ATP2A2: variants seen among roughly 807,000 people sequenced by gnomAD.
ATP2A2 encodes the protein ATPase sarcoplasmic/endoplasmic reticulum Ca2+ transporting 2, also known as sarcoplasmic/endoplasmic reticulum calcium ATPase 2.
A neutral mutation model predicts 109.3 loss-of-function variants in ATP2A2; 14 were observed. The observed-to-expected ratio is 0.13, with a 90% CI of 0.08 to 0.20. The LOEUF is 0.20. ATP2A2 is among the 10% of genes least tolerant of loss of function. The pLI is 1.00. For missense variants in ATP2A2, 657 were observed against 1,321.6 expected (o/e 0.50, Z 7.80); for synonymous variants, 506 against 490.9 (o/e 1.03, Z -0.41).
At chr12:110,297,681 T>C (rs2137723599) in intron 5 of ATP2A2, among the ~76,000 whole-genome samples, 1 of 151,818 alleles carries the variant, frequency 6.6e-6, no homozygotes, top group Admixed American at 6.6e-5. Context: ...TGCAGTGGCA[T>C]GATCTCAGCT....
chr12:110,325,056 G>T (rs1345103681), intron 6 of ATP2A2, among the ~76,000 whole-genome samples: 1 of 151,378 alleles, frequency 6.6e-6, no homozygotes, highest in East Asian at 1.9e-4. Context: ...TGAAGTGATC[G>T]CCCGCCTCAA....
Position 110,327,210 on chromosome 12 carries a change from G to A in ATP2A2, c.631-343G>A, listed in dbSNP as rs185442263. Among the ~76,000 whole-genome samples, 1 of 152,140 alleles carries A rather than the reference G, an allele frequency of 6.6e-6. No homozygotes were observed. Among genetic ancestry groups the A allele is most frequent in the African/African-American group, 2.4e-5 (1 of 41,430 alleles). On this transcript the variant is annotated intron_variant, in intron 7 of 19. Transcript: ENST00000539276. The surrounding 1 kb of genome is among the most constrained non-coding windows in gnomAD (Gnocchi z 4.4). ...TTCTATTACAGTGAGAAAAGTAGGG[G>A]CCTTGAGTTGTTGGAGCCAGAAGTG...
rs1051847092 is a variant in ATP2A2 at position 110,349,152 on chromosome 12, T to C, written c.*2682T>C. Reference sequence around the variant, plus strand: ...CACTGCTGTTTTGAGCAGGGCCACTTGCTCCATTTCACTGAAGGCTTTGCT... The same window carrying C: ...CACTGCTGTTTTGAGCAGGGCCACTCGCTCCATTTCACTGAAGGCTTTGCT... On this transcript the variant is annotated 3_prime_UTR_variant, in exon 20 of 20. Transcript: ENST00000539276. 36 of 985,398 alleles carry C rather than the reference T, an allele frequency of 3.7e-5. No homozygotes were observed. In the African/African-American group the frequency reaches 5.1e-4, roughly 14 times the overall value. The allele number at this position is 985,398 out of a possible 1,614,324, so 61.0% of individuals were successfully genotyped here.
At chr12:110,285,938 A>G (rs767293572) in intron 3 of ATP2A2, among the ~76,000 whole-genome samples, 92 of 140,814 alleles carry the variant, frequency 6.5e-4, no homozygotes, top group Non-Finnish European at 9.6e-4. Flanking sequence ...TTTTTTTTAA[A>G]TGTAGATGGA....
Position 110,348,921 on chromosome 12 carries a change from A to G in ATP2A2, c.*2451A>G, listed in dbSNP as rs1247494921. 3 of 985,464 alleles carry G rather than the reference A, an allele frequency of 3.0e-6. No individual in the cohort carries two copies. Among genetic ancestry groups the G allele is most frequent in the South Asian group, 4.7e-5 (1 of 21,286 alleles). 61.0% of individuals were successfully genotyped at this position (985,464 alleles called of 1,614,324 possible). A position where few individuals can be genotyped will look rare whatever the true frequency, so the allele number is the denominator to read the frequency against. On this transcript the variant is annotated 3_prime_UTR_variant, in exon 20 of 20. Coordinates refer to ENST00000539276, the MANE Select transcript of ATP2A2 (RefSeq NM_170665.4). ...CTGACTTGAGTGCTGCACTATTGCT[A>G]TTCCGTGCAAACAAAACTCAGCTTT...
At chr12:110,289,519 T>A (rs1873037100) in intron 3 of ATP2A2, among the ~76,000 whole-genome samples, 1 of 152,224 alleles carries the variant, frequency 6.6e-6, no homozygotes, top group South Asian at 2.1e-4. Context: ...TTGGTGGTGA[T>A]TGGCATCTGT....
In ATP2A2 at chr12:110,349,776, C is replaced by T; in HGVS notation, c.*3306C>T. 2.0e-6 allele frequency: 2 copies of T among 1,018,150 alleles called. No homozygotes were observed. Among genetic ancestry groups the T allele is most frequent in the Non-Finnish European group, 2.4e-6 (2 of 848,618 alleles). 63.1% of individuals were successfully genotyped at this position (1,018,150 alleles called of 1,614,324 possible). A position where few individuals can be genotyped will look rare whatever the true frequency, so the allele number is the denominator to read the frequency against. On this transcript the variant is annotated 3_prime_UTR_variant, in exon 20 of 20. Transcript: ENST00000539276. ...TGTAACCACCAAATTGTCCAAACAC[C>T]CGCTGCAGTTAGCAAGAAGGGTAGG... is the stretch of plus-strand genomic sequence containing the variant.
intron 5 of ATP2A2, among the ~76,000 whole-genome samples, chr12:110,300,031 C>T (rs61942560): frequency 0.18 from 26,851 of 151,530 alleles, 2,856 homozygotes; most frequent in Admixed American, 0.28. Context: ...GCTGGGATTA[C>T]AGGAGTGAGC....
intron 11 of ATP2A2, among the ~76,000 whole-genome samples, chr12:110,336,030 G>A (rs572606068): frequency 4.9e-4 from 74 of 152,350 alleles, no homozygotes; most frequent in Middle Eastern, 3.4e-3. Context: ...AGGTCCACCA[G>A]ACCATTTGCC....
intron 5 of ATP2A2, among the ~76,000 whole-genome samples, chr12:110,317,361 A>G (rs2137786916): frequency 6.6e-6 from 1 of 152,310 alleles, no homozygotes; most frequent in East Asian, 1.9e-4. Flanking sequence ...AATGCATAAT[A>G]CAATTGATTA....
At chr12:110,312,777 G>A (rs1464439284) in intron 5 of ATP2A2, among the ~76,000 whole-genome samples, 1 of 150,406 alleles carries the variant, frequency 6.6e-6, no homozygotes, top group African/African-American at 2.4e-5. Context: ...CTAAACCCAG[G>A]AGATGGAAGC....
Position 110,347,538 on chromosome 12 carries a change from C to G in ATP2A2, c.*1068C>G. 21 of 1,288,340 alleles carry G rather than the reference C, an allele frequency of 1.6e-5. No individual in the cohort carries two copies. The South Asian group carries it at 2.3e-4, about 14-fold the overall frequency. 79.8% of individuals were successfully genotyped at this position (1,288,340 alleles called of 1,614,324 possible). A position where few individuals can be genotyped will look rare whatever the true frequency, so the allele number is the denominator to read the frequency against. ...ACATTTTATGCAAGTTTCTGCTGGCCTGGTATAGAGAACATAAGGGCAAGT... is the reference window on the plus strand; with the variant it reads ...ACATTTTATGCAAGTTTCTGCTGGCGTGGTATAGAGAACATAAGGGCAAGT... On this transcript the variant is annotated 3_prime_UTR_variant, in exon 20 of 20. Coordinates refer to ENST00000539276, the MANE Select transcript of ATP2A2 (RefSeq NM_170665.4).
intron 5 of ATP2A2, among the ~76,000 whole-genome samples, chr12:110,314,160 C>T (rs1400288358): frequency 6.6e-6 from 1 of 151,772 alleles, no homozygotes; most frequent in Non-Finnish European, 1.5e-5. Flanking sequence ...GAAACGCTGT[C>T]TCTACTAAAA....
At chr12:110,322,389 G>C (rs1288049998) in intron 5 of ATP2A2, among the ~76,000 whole-genome samples, 2 of 151,952 alleles carry the variant, frequency 1.3e-5, no homozygotes, top group Non-Finnish European at 2.9e-5. Flanking sequence ...TTCTGCTTGG[G>C]AAGCTGAAGT....
Position 110,348,102 on chromosome 12 carries a change from T to A in ATP2A2, c.*1632T>A. On this transcript the variant is annotated 3_prime_UTR_variant, in exon 20 of 20. Coordinates refer to ENST00000539276, the MANE Select transcript of ATP2A2 (RefSeq NM_170665.4). ...AGCCAGACCAACAGGCTGAAGGAGC[T>A]GTGCAGACTATTGCTAAAATGAGGG... The A allele has an allele frequency of 1.0e-6, 1 of 985,750 alleles. No individual in the cohort carries two copies. The highest frequency in any genetic ancestry group is 1.2e-6 in the Non-Finnish European group (1 of 830,146). The allele number at this position is 985,750 out of a possible 1,614,324, so 61.1% of individuals were successfully genotyped here.
intron 5 of ATP2A2, among the ~76,000 whole-genome samples, chr12:110,308,430 C>T (rs1251844567): frequency 3.9e-5 from 6 of 152,084 alleles, no homozygotes; most frequent in African/African-American, 1.4e-4. Context: ...CTCTGGTGAC[C>T]TTTCATGGTG....
intron 5 of ATP2A2, among the ~76,000 whole-genome samples, chr12:110,321,184 T>G (rs1361711191): frequency 1.3e-5 from 2 of 152,196 alleles, no homozygotes; most frequent in Non-Finnish European, 2.9e-5. Context: ...GCTGAGATCA[T>G]GCCACTGCAC....
At chr12:110,293,488 G>A (rs565236772) in intron 4 of ATP2A2, among the ~76,000 whole-genome samples, 3 of 149,826 alleles carry the variant, frequency 2.0e-5, no homozygotes, top group Non-Finnish European at 3.0e-5. Context: ...TCCACTTCCC[G>A]GGATCAAGCA....
At chr12:110,335,573 C>T (rs1369178337) in intron 11 of ATP2A2, among the ~76,000 whole-genome samples, 1 of 152,200 alleles carries the variant, frequency 6.6e-6, no homozygotes, top group East Asian at 1.9e-4. Context: ...TTATCTTATC[C>T]TGGCCAAAGT....
Sources: gnomAD v4.1 joint callset for allele counts (sites outside exome capture counted in the v4.1 genomes callset) on GRCh38, gnomAD v4.1.1 for gene constraint, Gnocchi (gnomAD v3.1) non-coding constraint, MANE v1.5 for transcripts, NCBI Gene and HGNC (gene_info 2026-07-23, HGNC 2026-07-21) for gene names.